MVP: variants seen among roughly 807,000 people sequenced by gnomAD.
The protein encoded by MVP is lung resistance-related protein.
MVP carries 62 observed loss-of-function variants against 83.5 expected under a neutral mutation model. That is an observed-to-expected ratio of 0.74 (90% CI 0.61 to 0.92). The LOEUF is 0.92. MVP is among the 40% of genes least tolerant of loss of function. The pLI is 0.00. For synonymous variants in MVP, 505 were observed against 504.1 expected (o/e 1.00, Z -0.02); for missense variants, 1,000 against 1,203.4 (o/e 0.83, Z 2.50).
intron 6 of MVP, among the ~76,000 whole-genome samples, chr16:29,836,065 A>T (rs1016468688): frequency 2.6e-4 from 40 of 152,178 alleles, no homozygotes; most frequent in Non-Finnish European, 2.9e-4. Flanking sequence ...CAGGAGTCTG[A>T]GACCAGCCTG....
chr16:29,832,196 T>C (rs1003352107), intron 3 of MVP, among the ~76,000 whole-genome samples: 1 of 151,948 alleles, frequency 6.6e-6, no homozygotes, highest in Non-Finnish European at 1.5e-5. Flanking sequence ...GCAGACAGTT[T>C]GGGGGAAGAA....
Position 29,840,419 on chromosome 16 carries a change from A to G in MVP, c.1151A>G (p.Glu384Gly). The G allele has an allele frequency of 6.3e-6, 10 of 1,582,100 alleles. No individual in the cohort carries two copies. Among genetic ancestry groups the G allele is most frequent in the Non-Finnish European group, 8.6e-6 (10 of 1,164,540 alleles). Residue 384 changes from glutamate to glycine, a missense_variant, in exon 8 of 15, where the codon GAG (glutamate) becomes GGG (glycine). By Grantham distance (98) the Glu-to-Gly change is moderately conservative. Coordinates refer to ENST00000357402, the MANE Select transcript of MVP (RefSeq NM_005115.5). ...GAGCGCCAGGCCATCCCTCTAGACGAGAACGAGGGCATCTATGTGCAGGAT... is the reference window on the plus strand; with the variant it reads ...GAGCGCCAGGCCATCCCTCTAGACGGGAACGAGGGCATCTATGTGCAGGAT... ...VEERQAIPLDENEGIYVQDVK... is the reference protein window; with the variant it reads ...VEERQAIPLDGNEGIYVQDVK...
rs1420145343 is a variant in MVP, at chr16:29,841,365, C to T, written c.1192-231C>T. ...CCCCTAGACCCTGCAAGGTAGCCAC[C>T]GTCAAGTCCACTTGACACATGAGGA... On this transcript the variant is annotated intron_variant, in intron 8 of 14. Coordinates refer to ENST00000357402, the MANE Select transcript of MVP (RefSeq NM_005115.5). This position sits in a 1 kb window ranked among gnomAD's most constrained non-coding sequence, Gnocchi z 4.7. Among the ~76,000 whole-genome samples, 6 of 152,278 alleles carry T rather than the reference C, an allele frequency of 3.9e-5. No individual in the cohort carries two copies. The East Asian group carries it at 9.7e-4, about 25-fold the overall frequency.
rs1392283893 is a variant in MVP, at chr16:29,835,725, C to G, written c.599C>G (p.Thr200Arg). Residue 200 changes from threonine to arginine, a missense_variant, in exon 6 of 15, where the codon ACA (threonine) becomes AGA (arginine). Transcript: ENST00000357402. ...CCAGGGGAAGAATGGCTGGTCACCACAGTAGGGGCGTACCTCCCAGCGGTG... is the reference window on the plus strand; with the variant it reads ...CCAGGGGAAGAATGGCTGGTCACCAGAGTAGGGGCGTACCTCCCAGCGGTG... ...RVTGEEWLVT[T>R]VGAYLPAVFE... 1.2e-6 allele frequency: 2 copies of G among 1,613,754 alleles called. No individual in the cohort carries two copies. Among genetic ancestry groups the G allele is most frequent in the Non-Finnish European group, 1.7e-6 (2 of 1,179,934 alleles).
Position 29,844,505 on chromosome 16 carries a change from G to T in MVP, c.1647G>T (p.Val549=). The T allele has an allele frequency of 1.9e-6, 3 of 1,539,580 alleles. No individual in the cohort carries two copies. Among genetic ancestry groups the T allele is most frequent in the Non-Finnish European group, 2.6e-6 (3 of 1,144,016 alleles). Reference sequence around the variant, plus strand: ...TGTTTGTTCACAGGCACTTTGAGGTGAATGACCGGAAGGACCCCCAAGAGA... The same window carrying T: ...TGTTTGTTCACAGGCACTTTGAGGTTAATGACCGGAAGGACCCCCAAGAGA... ...LQLAYNWHFE[V]NDRKDPQETA... The change falls in exon 11 of 15, where the codon GTG becomes GTT. Residue 549 remains valine, a synonymous_variant. Coordinates refer to ENST00000357402, the MANE Select transcript of MVP (RefSeq NM_005115.5).
Position 29,836,970 on chromosome 16 carries a change from A to G in MVP, c.909+12A>G. 6.2e-7 allele frequency: 1 copy of G among 1,600,502 alleles called. No homozygotes were observed. Among genetic ancestry groups the G allele is most frequent in the Non-Finnish European group, 8.5e-7 (1 of 1,170,960 alleles). ...AGCGCGTGGTCAAGGTGAGGTCCCT[A>G]CACCCCCACAGAGGACTGCCCTGGG... On this transcript the variant is annotated intron_variant, in intron 7 of 14. Transcript: ENST00000357402.
Position 29,844,728 on chromosome 16 carries a change from G to A in MVP, c.1870G>A (p.Asp624Asn), listed in dbSNP as rs2067568536. Reference protein sequence around the residue: ...PDGMALPRPRDQAVFPQNGLV... With the variant: ...PDGMALPRPRNQAVFPQNGLV... Reference sequence around the variant, plus strand: ...TGGCATGGCCCTGCCCAGGCCCCGGGACCAGGCTGTCTTCCCCCAAAACGG... The same window carrying A: ...TGGCATGGCCCTGCCCAGGCCCCGGAACCAGGCTGTCTTCCCCCAAAACGG... The change falls in exon 11 of 15, where the codon GAC (aspartate) becomes AAC (asparagine). Residue 624 changes from aspartate to asparagine, a missense_variant. Transcript: ENST00000357402. 1 of 1,613,240 alleles carries A rather than the reference G, an allele frequency of 6.2e-7. No individual in the cohort carries two copies. Among genetic ancestry groups the A allele is most frequent in the Non-Finnish European group, 8.5e-7 (1 of 1,180,004 alleles).
chr16:29,845,161 C>T (rs1464073039), intron 11 of MVP, among the ~76,000 whole-genome samples: 1 of 149,996 alleles, frequency 6.7e-6, no homozygotes, highest in African/African-American at 2.5e-5. Flanking sequence ...GCACTCCAGC[C>T]TGGGCAACAG....
chr16:29,842,915 C>T (rs772360842), intron 10 of MVP, among the ~76,000 whole-genome samples: 6 of 152,324 alleles, frequency 3.9e-5, no homozygotes, highest in African/African-American at 9.6e-5. Context: ...TTAAAAGATG[C>T]ATGGGACACA....
intron 1 of MVP, among the ~76,000 whole-genome samples, chr16:29,827,025 G>A (rs1034744467): frequency 6.6e-6 from 1 of 152,042 alleles, no homozygotes; most frequent in South Asian, 2.1e-4. Flanking sequence ...GGAGCAACTG[G>A]GGGGTGGAAT....
chr16:29,826,592 A>G (rs2150750877), intron 1 of MVP, among the ~76,000 whole-genome samples: 1 of 147,790 alleles, frequency 6.8e-6, no homozygotes, highest in East Asian at 2.0e-4. Flanking sequence ...ACTGCACTCC[A>G]GCCTGGGCAA....
chr16:29,834,863 T>G (rs2067472908), intron 5 of MVP: 1 of 133,364 alleles, frequency 7.5e-6, no homozygotes, highest in East Asian at 2.3e-4. Flanking sequence ...TTTTTTTTTT[T>G]TTTGTATTTT....
In MVP at chr16:29,830,964, GC is replaced by G; in HGVS notation, c.213del (p.Leu72TrpfsTer52). On this transcript the variant is annotated frameshift_variant, in exon 3 of 15. Coordinates refer to ENST00000357402, the MANE Select transcript of MVP (RefSeq NM_005115.5). LOFTEE classifies it high-confidence loss of function. ...VANPVSRDAQ[G>X]LVLFDVTGQV... ...AACCCTGTGTCTCGGGATGCCCAGG[GC>G]TTGGTGCTGTTTGATGTCACAGGGC... The G allele has an allele frequency of 6.2e-7, 1 of 1,614,032 alleles. No homozygotes were observed. The highest frequency in any genetic ancestry group is 2.2e-5 in the East Asian group (1 of 44,872).
At chr16:29,821,781 A>G (rs909236643) in intron 1 of MVP, among the ~76,000 whole-genome samples, 7 of 152,226 alleles carry the variant, frequency 4.6e-5, no homozygotes, top group Non-Finnish European at 8.8e-5. Context: ...GGCACTTAAC[A>G]CTACCTGGCA....
At chr16:29,824,623 T>G (rs1460823747) in intron 1 of MVP, among the ~76,000 whole-genome samples, 1 of 152,148 alleles carries the variant, frequency 6.6e-6, no homozygotes, top group Non-Finnish European at 1.5e-5. Flanking sequence ...CCAGGCTTGG[T>G]GGCATGTGCC....
intron 1 of MVP, among the ~76,000 whole-genome samples, chr16:29,822,100 T>G (rs1278271921): frequency 6.6e-6 from 1 of 151,538 alleles, no homozygotes; most frequent in Non-Finnish European, 1.5e-5. Context: ...TTTTTTTTTT[T>G]TTTAAAGAAT....
At chr16:29,820,754 C>CCA (rs1319294896) in intron 1 of MVP, 1 of 152,340 alleles carries the variant, frequency 6.6e-6, no homozygotes, top group Non-Finnish European at 1.5e-5. Context: ...CACCGGTCCC[C>CCA]CACCCCCCTG....
intron 1 of MVP, chr16:29,826,225 T>G (rs1163026922): frequency 6.6e-6 from 1 of 152,258 alleles, no homozygotes; most frequent in South Asian, 2.1e-4. Context: ...CAGTGCTTTA[T>G]GTGCTAACTT....
chr16:29,844,196 G>T (rs1357051903), intron 10 of MVP, among the ~76,000 whole-genome samples: 1 of 152,188 alleles, frequency 6.6e-6, no homozygotes, highest in Non-Finnish European at 1.5e-5. Context: ...GGCTGAGTGG[G>T]ATTAAAGGAG....
Sources: allele counts gnomAD v4.1 joint callset (sites outside exome capture counted in the v4.1 genomes callset), GRCh38; gene constraint gnomAD v4.1.1; non-coding constraint Gnocchi (gnomAD v3.1); transcripts MANE v1.5; gene names NCBI Gene and HGNC (gene_info 2026-07-23, HGNC 2026-07-21).